PTPRN2: variants seen among roughly 807,000 people sequenced by gnomAD.
PTPRN2 encodes receptor-type tyrosine-protein phosphatase N2.
PTPRN2 carries 74 observed loss-of-function variants against 118.8 expected under a neutral mutation model. The ratio of observed to expected loss-of-function variants is 0.62; its 90% CI spans 0.52 to 0.76. The LOEUF (loss-of-function observed/expected upper bound fraction) is 0.76, where lower values mean the gene tolerates loss of function less well. PTPRN2 is among the 30% of genes least tolerant of loss of function. The pLI is 0.00. For missense variants in PTPRN2, 1,481 were observed against 1,394.4 expected (o/e 1.06, Z -0.99); for synonymous variants, 641 against 608.0 (o/e 1.05, Z -0.80).
chr7:157,935,328 T>C (rs10234378), intron 11 of PTPRN2, among the ~76,000 whole-genome samples: 5,319 of 152,294 alleles, frequency 0.035, 274 homozygotes, highest in African/African-American at 0.11. Context: ...TTTTTGTTTC[T>C]GGCATTTTTC....
chr7:158,569,738 A>G, intron 1 of PTPRN2, among the ~76,000 whole-genome samples: 1 of 129,604 alleles, frequency 7.7e-6, no homozygotes, highest in African/African-American at 3.0e-5. Context: ...ACTGACAGGA[A>G]CGCGGGGCGC....
chr7:157,998,766 G>T (rs1334829852), intron 11 of PTPRN2, among the ~76,000 whole-genome samples: 2 of 147,152 alleles, frequency 1.4e-5, no homozygotes, highest in Non-Finnish European at 3.0e-5. Context: ...AGCTTGCAGT[G>T]AGCAGAGATT....
At chr7:157,829,152 G>A (rs1346447707) in intron 12 of PTPRN2, among the ~76,000 whole-genome samples, 5 of 152,222 alleles carry the variant, frequency 3.3e-5, no homozygotes, top group East Asian at 1.9e-4. Flanking sequence ...TTTTTAATAA[G>A]GACAACTAAA....
At chr7:157,661,970 A>T (rs778772754) in intron 13 of PTPRN2, among the ~76,000 whole-genome samples, 1 of 152,212 alleles carries the variant, frequency 6.6e-6, no homozygotes, top group East Asian at 1.9e-4. Flanking sequence ...GGACCCAGAA[A>T]ACAGGTATGT....
intron 1 of PTPRN2, among the ~76,000 whole-genome samples, chr7:158,587,288 CAGA>C (rs1829013908): frequency 1.3e-5 from 1 of 78,788 alleles, no homozygotes; most frequent in Non-Finnish European, 2.7e-5. Context: ...GTCCCTCCCC[CAGA>C]ACCTCTCAGA....
intron 12 of PTPRN2, among the ~76,000 whole-genome samples, chr7:157,844,018 G>A (rs757933946): frequency 6.6e-6 from 1 of 152,198 alleles, no homozygotes; most frequent in Non-Finnish European, 1.5e-5. Context: ...CCCCCTGCAC[G>A]GAGGAGGGGG....
intron 12 of PTPRN2, among the ~76,000 whole-genome samples, chr7:157,710,202 C>T (rs556091701): frequency 6.6e-6 from 1 of 152,194 alleles, no homozygotes; most frequent in African/African-American, 2.4e-5. Flanking sequence ...CTCCCTCCTG[C>T]GTCCATTCGA....
intron 14 of PTPRN2, among the ~76,000 whole-genome samples, chr7:157,635,017 G>A (rs980837262): frequency 5.9e-5 from 9 of 152,202 alleles, no homozygotes; most frequent in African/African-American, 2.2e-4. Context: ...CACACGTGAA[G>A]GACGGCACAC....
At chr7:158,071,017 T>C (rs1187469872) in intron 11 of PTPRN2, among the ~76,000 whole-genome samples, 72 of 72,114 alleles carry the variant, frequency 1.0e-3, no homozygotes, top group South Asian at 2.9e-3. Flanking sequence ...GTGGAGGTGC[T>C]CGTGGTGGAG....
At chr7:158,085,713 C>T (rs1813328109) in intron 10 of PTPRN2, among the ~76,000 whole-genome samples, 1 of 142,264 alleles carries the variant, frequency 7.0e-6, no homozygotes, top group African/African-American at 2.8e-5. Flanking sequence ...CCCATCCACA[C>T]CCACGACGCC....
intron 13 of PTPRN2, among the ~76,000 whole-genome samples, chr7:157,670,664 G>A (rs575191034): frequency 1.3e-5 from 2 of 152,076 alleles, no homozygotes; most frequent in Non-Finnish European, 2.9e-5. Flanking sequence ...CTCCCTTCCC[G>A]GCTCCCACGG....
chr7:158,340,984 C>T (rs1438759068), intron 2 of PTPRN2, among the ~76,000 whole-genome samples: 1 of 80,488 alleles, frequency 1.2e-5, no homozygotes, highest in African/African-American at 4.2e-5. Flanking sequence ...CTCACACCCA[C>T]ACTCTCACCA....
chr7:157,557,106 A>G (rs571382981), intron 21 of PTPRN2, among the ~76,000 whole-genome samples: 3 of 150,822 alleles, frequency 2.0e-5, no homozygotes, highest in East Asian at 4.0e-4. Context: ...ACACACAGGC[A>G]TGCACATGCT....
At chr7:158,010,001 T>C (rs1805925657) in intron 11 of PTPRN2, among the ~76,000 whole-genome samples, 1 of 152,166 alleles carries the variant, frequency 6.6e-6, no homozygotes, top group African/African-American at 2.4e-5. Context: ...AAGACCAGGC[T>C]GGCCTTTGCC....
intron 5 of PTPRN2, among the ~76,000 whole-genome samples, chr7:158,177,681 A>G (rs970241292): frequency 6.6e-6 from 1 of 152,194 alleles, no homozygotes; most frequent in African/African-American, 2.4e-5. Context: ...AATGAGACTC[A>G]CTGTGCTGTT....
chr7:157,652,602 G>C (rs574914800), intron 14 of PTPRN2, among the ~76,000 whole-genome samples: 1 of 152,088 alleles, frequency 6.6e-6, no homozygotes, highest in African/African-American at 2.4e-5. Flanking sequence ...CCCCTTCCCC[G>C]GGGGTCCCTG....
At chr7:157,782,181 C>T (rs558835474) in intron 12 of PTPRN2, among the ~76,000 whole-genome samples, 79 of 152,360 alleles carry the variant, frequency 5.2e-4, no homozygotes, top group African/African-American at 1.8e-3. Flanking sequence ...TGCTGAGGGG[C>T]GGCCACAGAG....
chr7:157,608,026 A>G (rs1200673100), intron 15 of PTPRN2, among the ~76,000 whole-genome samples: 1 of 152,124 alleles, frequency 6.6e-6, no homozygotes, highest in Non-Finnish European at 1.5e-5. Flanking sequence ...TCCTGATCGC[A>G]TATTTGATTT....
Position 157,571,512 on chromosome 7 carries a change from T to C in PTPRN2, c.2784-19A>G, listed in dbSNP as rs1295399275. ...TACTTTTCTGAAATAAAAAGAGATA[T>C]AAAAATTATCGTTGTGTACTAAGAC... is the stretch of plus-strand genomic sequence containing the variant. On this transcript the variant is annotated intron_variant, in intron 19 of 22. Transcript: ENST00000389418. 2 of 1,588,838 alleles carry C rather than the reference T, an allele frequency of 1.3e-6. No homozygotes were observed. The highest frequency in any genetic ancestry group is 1.7e-6 in the Non-Finnish European group (2 of 1,160,606).
Sources: allele counts gnomAD v4.1 joint callset (sites outside exome capture counted in the v4.1 genomes callset), GRCh38; gene constraint gnomAD v4.1.1; transcripts MANE v1.5; gene names NCBI Gene and HGNC (gene_info 2026-07-23, HGNC 2026-07-21).